The following CALN1 variants were observed in gnomAD, a reference collection of about 807,000 sequenced individuals.
CALN1 encodes calneuron 1, also known as calcium-binding protein 8.
A neutral mutation model predicts 30.6 loss-of-function variants in CALN1; 17 were observed. That is an observed-to-expected ratio of 0.56 (90% CI 0.38 to 0.83). The LOEUF (loss-of-function observed/expected upper bound fraction) is 0.83, where lower values mean the gene tolerates loss of function less well. Among genes scored for constraint, CALN1 ranks in the 40% least tolerant of loss-of-function variants. The pLI is 0.00. For missense variants in CALN1, 291 were observed against 354.9 expected, an observed-to-expected ratio of 0.82 and a Z score of 1.45; for synonymous variants, 156 against 131.4, an observed-to-expected ratio of 1.19 and a Z score of -1.28.
At chr7:72,067,402 C>T (rs1317520416) in intron 4 of CALN1, among the ~76,000 whole-genome samples, 1 of 151,924 alleles carries the variant, frequency 6.6e-6, no homozygotes, top group East Asian at 1.9e-4. Context: ...ATTACCATGC[C>T]CAGCCAATTT....
chr7:71,984,831 A>G (rs1397899653), intron 5 of CALN1, among the ~76,000 whole-genome samples: 1 of 152,226 alleles, frequency 6.6e-6, no homozygotes, highest in Non-Finnish European at 1.5e-5. Context: ...AAGCTTATGT[A>G]GGAAATGAAC....
chr7:72,328,049 TGA>T (rs2129557822), intron 2 of CALN1, among the ~76,000 whole-genome samples: 2 of 152,288 alleles, frequency 1.3e-5, no homozygotes, highest in South Asian at 4.1e-4. Context: ...GTATTGAGAA[TGA>T]GAGTGAAGAA....
chr7:71,952,983 G>A (rs1175061968), intron 5 of CALN1, among the ~76,000 whole-genome samples: 2 of 152,106 alleles, frequency 1.3e-5, no homozygotes, highest in African/African-American at 4.8e-5. Flanking sequence ...TGGAGATAAA[G>A]TCTTGCCCTG....
the CALN1 span, among the ~76,000 whole-genome samples, chr7:72,466,321 C>T: frequency 1.1e-3 from 167 of 152,178 alleles, 3 homozygotes; most frequent in East Asian, 0.03. Flanking sequence ...TCTGCCTTCC[C>T]GGGTCACTAG....
chr7:72,469,960 G>A, the CALN1 span, among the ~76,000 whole-genome samples: 1 of 152,142 alleles, frequency 6.6e-6, no homozygotes, highest in Non-Finnish European at 1.5e-5. Flanking sequence ...TAGAAGGGGA[G>A]ATGGGGCAGT....
At chr7:72,048,027 TTC>T in intron 4 of CALN1, among the ~76,000 whole-genome samples, 1 of 143,170 alleles carries the variant, frequency 7.0e-6, no homozygotes, top group African/African-American at 2.6e-5. Flanking sequence ...TTCATATTGC[TTC>T]TTCTTCTTCT....
chr7:71,871,469 G>A (rs575550324), intron 5 of CALN1, among the ~76,000 whole-genome samples: 6 of 152,168 alleles, frequency 3.9e-5, no homozygotes, highest in African/African-American at 1.4e-4. Context: ...CCTCCAGGCC[G>A]GGCACCACAG....
At chr7:72,219,652 C>T (rs943225946) in intron 3 of CALN1, among the ~76,000 whole-genome samples, 4 of 150,604 alleles carry the variant, frequency 2.7e-5, no homozygotes, top group African/African-American at 2.4e-5. Flanking sequence ...CACACACACA[C>T]GCACACACAC....
intron 2 of CALN1, among the ~76,000 whole-genome samples, chr7:72,289,943 T>G (rs73129572): frequency 1.3e-5 from 2 of 150,862 alleles, no homozygotes; most frequent in African/African-American, 4.9e-5. Context: ...CCGGGCATAG[T>G]GGTATGTGCC....
At chr7:72,064,685 T>G (rs1340248555) in intron 4 of CALN1, among the ~76,000 whole-genome samples, 1 of 152,244 alleles carries the variant, frequency 6.6e-6, no homozygotes, top group Admixed American at 6.5e-5. Flanking sequence ...GATGCAAGAC[T>G]CCTAGCCTTC....
At chr7:72,396,422 CAAAA>C (rs56030535) in intron 2 of CALN1, among the ~76,000 whole-genome samples, 2 of 113,784 alleles carry the variant, frequency 1.8e-5, no homozygotes, top group Non-Finnish European at 1.9e-5. Context: ...GACTCTGTCT[CAAAA>C]AAAAAAAAAA....
At chr7:72,493,841 T>TA in the CALN1 span, among the ~76,000 whole-genome samples, 1 of 152,228 alleles carries the variant, frequency 6.6e-6, no homozygotes, top group Admixed American at 6.5e-5. Flanking sequence ...AGCCACTAAA[T>TA]ACTGGGCTTA....
intron 3 of CALN1, among the ~76,000 whole-genome samples, chr7:72,154,763 C>G (rs1787534829): frequency 6.6e-6 from 1 of 152,112 alleles, no homozygotes; most frequent in Non-Finnish European, 1.5e-5. Context: ...AGGAAGAGAG[C>G]CAGGCCCAGT....
At chr7:72,278,168 G>C (rs1797479850) in intron 3 of CALN1, among the ~76,000 whole-genome samples, 1 of 152,042 alleles carries the variant, frequency 6.6e-6, no homozygotes, top group African/African-American at 2.4e-5. Flanking sequence ...GTGTTACAAA[G>C]AAACAGAGGC....
At chr7:72,054,296 AT>A (rs1451635164) in intron 4 of CALN1, among the ~76,000 whole-genome samples, 1 of 151,648 alleles carries the variant, frequency 6.6e-6, no homozygotes, top group Non-Finnish European at 1.5e-5. Flanking sequence ...CATAGTAGCC[AT>A]TCTTACTGGT....
chr7:71,979,339 A>G (rs1266624323), intron 5 of CALN1, among the ~76,000 whole-genome samples: 13 of 152,188 alleles, frequency 8.5e-5, no homozygotes, highest in African/African-American at 2.9e-4. Context: ...TCATAATGTA[A>G]AATCAGTGGG....
intron 5 of CALN1, among the ~76,000 whole-genome samples, chr7:71,835,988 C>A (rs1258841397): frequency 2.0e-5 from 3 of 152,172 alleles, no homozygotes; most frequent in African/African-American, 7.2e-5. Flanking sequence ...TTGCTTTGGG[C>A]AATGAGGTGT....
intron 3 of CALN1, among the ~76,000 whole-genome samples, chr7:72,219,197 G>A (rs1793080712): frequency 6.6e-6 from 1 of 152,142 alleles, no homozygotes; most frequent in African/African-American, 2.4e-5. Flanking sequence ...GTGACAGCCA[G>A]CTGTAACTGA....
At chr7:72,158,913 A>C (rs1428809255) in intron 3 of CALN1, among the ~76,000 whole-genome samples, 1 of 152,070 alleles carries the variant, frequency 6.6e-6, no homozygotes, top group African/African-American at 2.4e-5. Context: ...ATCCGAGTAC[A>C]GTGGTCTCGA....
Sources: gnomAD v4.1 joint callset for allele counts (sites outside exome capture counted in the v4.1 genomes callset) on GRCh38, gnomAD v4.1.1 for gene constraint, MANE v1.5 for transcripts, NCBI Gene and HGNC (gene_info 2026-07-23, HGNC 2026-07-21) for gene names.